UTP20: variants seen among roughly 807,000 people sequenced by gnomAD.
UTP20 encodes UTP20 small subunit processome component.
UTP20 carries 164 observed loss-of-function variants against 329.5 expected under a neutral mutation model. The ratio of observed to expected loss-of-function variants is 0.50; its 90% CI spans 0.44 to 0.57. The LOEUF (loss-of-function observed/expected upper bound fraction) is 0.57. UTP20 is among the 20% of genes least tolerant of loss of function. The pLI, the probability that UTP20 is intolerant of heterozygous loss-of-function variation, is 0.00. For missense variants in UTP20, 3,055 were observed against 3,284.2 expected (o/e 0.93, Z 1.71); for synonymous variants, 1,151 against 1,159.3 (o/e 0.99, Z 0.14).
chr12:101,283,699 CA>C (rs1422523441), intron 2 of UTP20, among the ~76,000 whole-genome samples: 3 of 152,020 alleles, frequency 2.0e-5, no homozygotes, highest in Non-Finnish European at 4.4e-5. Flanking sequence ...AAAACAACAA[CA>C]AAAAAATTTT....
In UTP20 at chr12:101,386,063, A is replaced by G. The variant is rs1183492424; in HGVS notation, c.8298A>G (p.Pro2766=). The G allele has an allele frequency of 2.5e-6, 4 of 1,609,612 alleles. No homozygotes were observed. Among genetic ancestry groups the G allele is most frequent in the Non-Finnish European group, 3.4e-6 (4 of 1,179,284 alleles). ...AKKRKIEFLR[P]GYKAKRQKSH... is the part of the protein sequence containing the mutation. The stretch of plus-strand genomic sequence containing the variant: ...AGAGAAAGATAGAGTTCCTGCGTCC[A>G]GGATATAAGGCCAAGAGACAAAAAA... The change falls in exon 62 of 62, where the codon CCA becomes CCG. Residue 2766 remains proline, a synonymous_variant. Coordinates refer to ENST00000261637, the MANE Select transcript of UTP20 (RefSeq NM_014503.3).
At chr12:101,340,331 G>C (rs765064419) in intron 31 of UTP20, among the ~76,000 whole-genome samples, 192 bp from the exon 32 acceptor site, 3 of 152,170 alleles carry the variant, frequency 2.0e-5, no homozygotes, top group Non-Finnish European at 4.4e-5. Flanking sequence ...GCTTGATGTT[G>C]GAGAGGAGTA....
intron 34 of UTP20, 46 bp from the exon 35 acceptor site, chr12:101,342,895 G>A: frequency 6.2e-7 from 1 of 1,609,712 alleles, no homozygotes; most frequent in Non-Finnish European, 8.5e-7. Context: ...GTTTACTGAA[G>A]ATTTATATGC....
At chr12:101,353,563 CAG>C (rs1458819233) in intron 40 of UTP20, among the ~76,000 whole-genome samples, 1 of 152,182 alleles carries the variant, frequency 6.6e-6, no homozygotes, top group Non-Finnish European at 1.5e-5. Context: ...GGGCCAGAGA[CAG>C]TGGCTCACAA....
In UTP20 at chr12:101,367,966, T is replaced by C. The variant is rs1870151719; in HGVS notation, c.6374T>C (p.Met2125Thr). 1 of 1,611,328 alleles carries C rather than the reference T, an allele frequency of 6.2e-7. No homozygotes were observed. The highest frequency in any genetic ancestry group is 1.3e-5 in the African/African-American group (1 of 74,972). The change falls in exon 48 of 62, where the codon ATG becomes ACG. Residue 2125 changes from methionine (M) to threonine (T), a missense_variant. This residue lies in a region of UTP20 where 2,445 missense variants were observed against 2,575.5 expected (regional missense o/e 0.95). Coordinates refer to ENST00000261637, the MANE Select transcript of UTP20 (RefSeq NM_014503.3). ...CTCCTCATAGACTGCCTGGGCTCCA[T>C]GGATGTGAAGGTAAGCATCGGTTTG... ...VSLLIDCLGS[M>T]DVKVITGALQ...
Position 101,363,711 on chromosome 12 carries a change from C to G in UTP20, c.5926C>G (p.Gln1976Glu). 1 of 1,610,956 alleles carries G rather than the reference C, an allele frequency of 6.2e-7. No homozygotes were observed. The highest frequency in any genetic ancestry group is 8.5e-7 in the Non-Finnish European group (1 of 1,177,164). The change falls in exon 45 of 62, where the codon CAG (glutamine) becomes GAG (glutamate). Residue 1976 changes from glutamine to glutamate, a missense_variant. Coordinates refer to ENST00000261637, the MANE Select transcript of UTP20 (RefSeq NM_014503.3). ...CCTCGGCAAGTTTGTAGGAAAAGATCAGGTTACAAAACTCATCCTTCCATT... is the reference window on the plus strand; with the variant it reads ...CCTCGGCAAGTTTGTAGGAAAAGATGAGGTTACAAAACTCATCCTTCCATT... The part of the protein sequence containing the change: ...EILGKFVGKD[Q>E]VTKLILPLKE...
intron 41 of UTP20, among the ~76,000 whole-genome samples, chr12:101,355,521 C>T (rs981251692): frequency 2.6e-5 from 4 of 152,198 alleles, no homozygotes; most frequent in Non-Finnish European, 5.9e-5. Flanking sequence ...CAGAGCCTTT[C>T]CTTCCTTCTC....
intron 27 of UTP20, among the ~76,000 whole-genome samples, chr12:101,332,169 C>T (rs968714037): frequency 3.9e-5 from 6 of 152,164 alleles, no homozygotes; most frequent in Admixed American, 3.9e-4. Context: ...GAAACCCCGT[C>T]TCTACTGAAA....
rs1246123643 is a variant in UTP20 at position 101,354,857 on chromosome 12, A to G, written c.5133A>G (p.Pro1711=). The G allele has an allele frequency of 6.2e-7, 1 of 1,613,756 alleles. No homozygotes were observed. The highest frequency in any genetic ancestry group is 2.2e-5 in the East Asian group (1 of 44,882). Residue 1711 remains proline (P), a synonymous_variant, in exon 41 of 62, where the codon CCA becomes CCG. Coordinates refer to ENST00000261637, the MANE Select transcript of UTP20 (RefSeq NM_014503.3). ...ACGCAATTGAAGCAATTGAGTTACC[A>G]GAGCCTGAGGCCATGGAATTAGAGC... ...EENAIEAIEL[P]EPEAMELERV...
At position 101,295,646 on chromosome 12, in the gene UTP20, C is replaced by A. The variant is rs145108682; in HGVS notation, c.1418C>A (p.Pro473Gln). ...GAAAAGTACCCTCTGGTTTTCTCAC[C>A]GCAGATGGTGGGGTGAGTTCTAACT... ...AIEKYPLVFS[P>Q]QMVGFYIKQK... Residue 473 changes from proline (P) to glutamine (Q), a missense_variant, in exon 12 of 62, where the codon CCG becomes CAG. Pro to Gln is a moderately conservative substitution (Grantham distance 76, BLOSUM62 -1). This residue lies in a region of UTP20 where 2,445 missense variants were observed against 2,575.5 expected (regional missense o/e 0.95). Transcript: ENST00000261637. The A allele has an allele frequency of 1.6e-5, 25 of 1,602,880 alleles. No homozygotes were observed. In the African/African-American group the frequency reaches 3.3e-4, roughly 21 times the overall value.
At chr12:101,345,146 A>G (rs1478419723) in intron 36 of UTP20, among the ~76,000 whole-genome samples, 4 of 151,866 alleles carry the variant, frequency 2.6e-5, no homozygotes, top group Non-Finnish European at 4.4e-5. Flanking sequence ...GGGTTTCACC[A>G]TGTTGGCCAA....
chr12:101,355,128 T>G lies in UTP20; in HGVS notation c.5394+10T>G. 1 of 1,608,358 alleles carries G rather than the reference T, an allele frequency of 6.2e-7. No homozygotes were observed. The highest frequency in any genetic ancestry group is 8.5e-7 in the Non-Finnish European group (1 of 1,176,700). ...ATGCCTTGCATCTACGGTAATAAAT[T>G]TATTCGGGGTCCAGCAGGTCTGTGT... is the stretch of plus-strand genomic sequence containing the variant. On this transcript the variant is annotated intron_variant, in intron 41 of 61. Transcript: ENST00000261637.
chr12:101,366,607 C>A lies in UTP20; in HGVS notation c.6175C>A (p.Leu2059Ile). The A allele has an allele frequency of 1.9e-6, 3 of 1,614,172 alleles. No homozygotes were observed. Among genetic ancestry groups the A allele is most frequent in the Non-Finnish European group, 2.5e-6 (3 of 1,180,028 alleles). ...TCCACGTCTACCACCCCAGAGCTGC[C>A]TTCTGCTTCCCCCAACTCCAGTTCG... Reference protein sequence around the residue: ...PDPRLPPQSCLLLPPTPVRGG... With the variant: ...PDPRLPPQSCILLPPTPVRGG... Residue 2059 changes from leucine (L) to isoleucine (I), a missense_variant, in exon 47 of 62, where the codon CTT (leucine) becomes ATT (isoleucine). By Grantham distance (5) the Leu-to-Ile change is conservative. This residue lies in a region of UTP20 where 2,445 missense variants were observed against 2,575.5 expected (regional missense o/e 0.95). Transcript: ENST00000261637.
intron 11 of UTP20, among the ~76,000 whole-genome samples, chr12:101,294,592 G>C (rs1872287421): frequency 6.7e-6 from 1 of 149,514 alleles, no homozygotes; most frequent in East Asian, 2.0e-4. Context: ...ACCCAGGCTG[G>C]AGTGTAGTGG....
At chr12:101,289,595 T>C (rs912173978) in intron 6 of UTP20, among the ~76,000 whole-genome samples, 1 of 152,160 alleles carries the variant, frequency 6.6e-6, no homozygotes, top group Non-Finnish European at 1.5e-5. Flanking sequence ...TGGGTCACTA[T>C]TGTATTGTTA....
chr12:101,386,049 G>C lies in UTP20; in HGVS notation c.8284G>C (p.Glu2762Gln). 1 of 1,609,124 alleles carries C rather than the reference G, an allele frequency of 6.2e-7. No individual in the cohort carries two copies. The highest frequency in any genetic ancestry group is 8.5e-7 in the Non-Finnish European group (1 of 1,179,170). Residue 2762 changes from glutamate to glutamine, a missense_variant, in exon 62 of 62, where the codon GAG becomes CAG. By Grantham distance (29) the Glu-to-Gln change is conservative. Coordinates refer to ENST00000261637, the MANE Select transcript of UTP20 (RefSeq NM_014503.3). ...NKSEAKKRKI[E>Q]FLRPGYKAKR... ...AAGTGAAGCAAAGAAGAGAAAGATA[G>C]AGTTCCTGCGTCCAGGATATAAGGC... is the stretch of plus-strand genomic sequence containing the variant.
Position 101,317,645 on chromosome 12 carries a change from CGAG to C in UTP20, c.2724_2726del (p.Arg909del). ...GATGAATCCTCACAGAAGAAAAAGA[CGAG>C]GAGAGCTGCAGCAAAGTAAGTTCAC... On this transcript the variant is annotated inframe_deletion, in exon 22 of 62. Transcript: ENST00000261637. 2 of 1,611,424 alleles carry C rather than the reference CGAG, an allele frequency of 1.2e-6. No homozygotes were observed. Among genetic ancestry groups the C allele is most frequent in the Non-Finnish European group, 1.7e-6 (2 of 1,179,028 alleles).
At chr12:101,317,270 C>T (rs1004747827) in intron 21 of UTP20, among the ~76,000 whole-genome samples, 1 of 152,174 alleles carries the variant, frequency 6.6e-6, no homozygotes, top group Non-Finnish European at 1.5e-5. Flanking sequence ...GGGCTATCTT[C>T]TACAGTTAGT....
chr12:101,365,728 C>A (rs934226737), intron 46 of UTP20, 103 bp downstream of exon 46: 4 of 924,886 alleles, frequency 4.3e-6, no homozygotes, highest in Non-Finnish European at 4.5e-6. Context: ...AAAATTATAT[C>A]CACCTGAGTT....
Sources: gnomAD v4.1 joint callset for allele counts (sites outside exome capture counted in the v4.1 genomes callset) on GRCh38, gnomAD v4.1.1 for gene constraint, gnomAD v4.1.1 regional missense constraint, MANE v1.5 for transcripts, NCBI Gene and HGNC (gene_info 2026-07-23, HGNC 2026-07-21) for gene names.